Variants in ROBO4 observed in about 807,000 individuals in gnomAD.
ROBO4 encodes the protein roundabout guidance receptor 4.
ROBO4 carries 80 observed loss-of-function variants against 103.3 expected under a neutral mutation model. The ratio of observed to expected loss-of-function variants is 0.77; its 90% CI spans 0.65 to 0.93. ROBO4 has a LOEUF of 0.93. ROBO4 is among the 40% of genes least tolerant of loss of function. The pLI, the probability that ROBO4 is intolerant of heterozygous loss-of-function variation, is 0.00. For missense variants in ROBO4, 1,333 were observed against 1,305.3 expected (o/e 1.02, Z -0.33); for synonymous variants, 504 against 529.7 (o/e 0.95, Z 0.67).
chr11:124,889,541 C>G (rs1260800522), intron 12 of ROBO4, among the ~76,000 whole-genome samples: 3 of 152,112 alleles, frequency 2.0e-5, no homozygotes, highest in African/African-American at 7.2e-5. Flanking sequence ...ACTCATTGGT[C>G]AAATTGCAAT....
chr11:124,896,286 T>C lies in ROBO4; in HGVS notation c.591A>G (p.Ala197=), dbSNP rs1386811185. ...VSGGSLLMAR[A]EKSDEGTYMC... ...TGTAGGTCCCTTCGTCACTCTTCTC[T>C]GCTCTTGCCATCAGCAGGGACCCCC... Residue 197 remains alanine, a synonymous_variant, in exon 4 of 18, where the codon GCA becomes GCG. Transcript: ENST00000306534. The C allele has an allele frequency of 1.9e-6, 3 of 1,614,156 alleles. No individual in the cohort carries two copies. The highest frequency in any genetic ancestry group is 2.5e-6 in the Non-Finnish European group (3 of 1,180,020).
chr11:124,891,204 G>C, intron 12 of ROBO4, 95 bp downstream of exon 12: 1 of 1,384,974 alleles, frequency 7.2e-7, no homozygotes, highest in East Asian at 2.4e-5. Context: ...GAGGTTGCAC[G>C]CCCCTCCAGG....
intron 12 of ROBO4, among the ~76,000 whole-genome samples, chr11:124,890,860 C>T (rs149786775): frequency 6.6e-6 from 1 of 152,288 alleles, no homozygotes; most frequent in East Asian, 1.9e-4. Context: ...CTCGTGGGAG[C>T]CTGAGGCTTT....
rs868382396 is a variant in ROBO4, at chr11:124,894,378, C to G, written c.1150-9G>C. On this transcript the variant is annotated splice_polypyrimidine_tract_variant and intron_variant, in intron 7 of 17. Transcript: ENST00000306534. ...TTGCCCAGGCTCCAGACCTGAGGCA[C>G]AAGCAGAGGTGAACAGCTTCCCCAG... The G allele has an allele frequency of 1.2e-6, 2 of 1,607,778 alleles. No individual in the cohort carries two copies. The highest frequency in any genetic ancestry group is 1.7e-6 in the Non-Finnish European group (2 of 1,177,598).
chr11:124,886,803 G>C lies in ROBO4; in HGVS notation c.2455C>G (p.Pro819Ala). The change falls in exon 16 of 18, where the codon CCA becomes GCA. Residue 819 changes from proline (P) to alanine (A), a missense_variant. By Grantham distance (27) the Pro-to-Ala change is conservative. Transcript: ENST00000306534. ...ETPRNSVSPM[P>A]RAPSPPTTYG... is the part of the protein sequence containing the mutation. ...GTGGTGGGGGGTGAAGGAGCCCTTG[G>C]CATGGGAGAGACGCTGTTCCTAGGG... 6.5e-7 allele frequency: 1 copy of C among 1,536,988 alleles called. No homozygotes were observed.
rs1333857277 is a variant in ROBO4 at position 124,886,589 on chromosome 11, G to T, written c.2669C>A (p.Ala890Asp). 1.2e-6 allele frequency: 2 copies of T among 1,614,220 alleles called. No individual in the cohort carries two copies. The highest frequency in any genetic ancestry group is 1.1e-5 in the South Asian group (1 of 91,086). ...GCCATCGGAGGAGCTGACAAGGCTG[G>T]CTCTGGCGCTGGCGGCATTGTCCTC... Reference protein sequence around the residue: ...ASEDNAASARASLVSSSDGSF... With the variant: ...ASEDNAASARDSLVSSSDGSF... The change falls in exon 16 of 18, where the codon GCC becomes GAC. Residue 890 changes from alanine to aspartate, a missense_variant. Ala to Asp is a moderately radical substitution (Grantham distance 126). Coordinates refer to ENST00000306534, the MANE Select transcript of ROBO4 (RefSeq NM_019055.6).
intron 2 of ROBO4, 59 bp from the exon 3 acceptor site, chr11:124,896,729 T>TCA (rs1337287468): frequency 2.4e-5 from 38 of 1,572,768 alleles, no homozygotes; most frequent in Non-Finnish European, 3.3e-5. Flanking sequence ...CTCTCCCTTA[T>TCA]CACTCTTGCC....
chr11:124,888,390 T>G (rs1946749468), intron 12 of ROBO4, among the ~76,000 whole-genome samples: 1 of 152,222 alleles, frequency 6.6e-6, no homozygotes, highest in Admixed American at 6.5e-5. Flanking sequence ...GAAACTCGAC[T>G]GTCTCTCACT....
At chr11:124,894,125 G>A (rs1946842545) in intron 8 of ROBO4, 76 bp downstream of exon 8, 3 of 1,554,768 alleles carry the variant, frequency 1.9e-6, no homozygotes, top group South Asian at 1.2e-5. Flanking sequence ...AGCTGGAAGT[G>A]TGAGGCGGGA....
rs1419388702 is a variant in ROBO4, at chr11:124,887,102, G to A, written c.2310C>T (p.Pro770=). Residue 770 remains proline (P), a synonymous_variant, in exon 15 of 18, where the codon CCC becomes CCT. Coordinates refer to ENST00000306534, the MANE Select transcript of ROBO4 (RefSeq NM_019055.6). ...TGGACAGGCGACTGGAAGCTGGGCT[G>A]GGGCCAGAGAGGGAAGAGGCCTGGG... The part of the protein sequence containing the change: ...PSPQASSLSG[P]SPASSRLSSS... 6.2e-7 allele frequency: 1 copy of A among 1,613,706 alleles called. No homozygotes were observed. The highest frequency in any genetic ancestry group is 1.3e-5 in the African/African-American group (1 of 74,884).
rs370318926 is a variant in ROBO4 at position 124,890,013 on chromosome 11, C to A, written c.1948+1286G>T. 2.2e-4 allele frequency among the ~76,000 whole-genome samples: 34 copies of A among 152,310 alleles called. 1 individual carries two copies. The East Asian group carries it at 4.8e-3, about 22-fold the overall frequency. On this transcript the variant is annotated intron_variant, in intron 12 of 17. Transcript: ENST00000306534. ...AGGAAGCCTCATCTCAGAATTGGAA[C>A]CCTTCTTAAGAACTGGCTGTAGAAA...
At chr11:124,892,452 C>T (rs930773446) in intron 10 of ROBO4, 7 of 210,566 alleles carry the variant, frequency 3.3e-5, no homozygotes, top group African/African-American at 6.9e-5. Flanking sequence ...GCTTCCAGCT[C>T]CCTAACTATA....
chr11:124,892,217 C>T (rs1341217613), intron 10 of ROBO4: 2 of 371,464 alleles, frequency 5.4e-6, no homozygotes, highest in Non-Finnish European at 1.1e-5. Flanking sequence ...ATAGGGCCTT[C>T]CACACTCAAG....
intron 1 of ROBO4, 31 bp from the exon 2 acceptor site, chr11:124,897,292 G>T: frequency 7.2e-7 from 1 of 1,397,562 alleles, no homozygotes; most frequent in South Asian, 1.5e-5. Context: ...AGCCCAGTCT[G>T]ATCACCAGCA....
chr11:124,895,661 G>A lies in ROBO4; in HGVS notation c.832C>T (p.Gln278Ter), dbSNP rs753620103. The change falls in exon 6 of 18, where the codon CAA becomes TAA. Residue 278 changes from glutamine (Q) to a stop codon, truncating the protein, a stop_gained. Coordinates refer to ENST00000306534, the MANE Select transcript of ROBO4 (RefSeq NM_019055.6). LOFTEE classifies it high-confidence loss of function. ...GTCCTGAACAAGGCCGTGTAAGATT[G>A]GGCAGGCGCAGCAGGGCCACTGACC... Reference protein sequence around the residue: ...WKVSGPAAPAQSYTALFRTQT... With the variant: ...WKVSGPAAPA 9 of 1,613,066 alleles carry A rather than the reference G, an allele frequency of 5.6e-6. No individual in the cohort carries two copies. In the South Asian group the frequency reaches 8.8e-5, roughly 16 times the overall value.
Position 124,886,660 on chromosome 11 carries a change from G to T in ROBO4, c.2598C>A (p.Pro866=). The T allele has an allele frequency of 6.2e-7, 1 of 1,613,892 alleles. No homozygotes were observed. Residue 866 remains proline, a synonymous_variant, in exon 16 of 18, where the codon CCC becomes CCA. Coordinates refer to ENST00000306534, the MANE Select transcript of ROBO4 (RefSeq NM_019055.6). The part of the protein sequence containing the change: ...LLCPPRPCLT[P]TPSEGSLANG... ...TGGCTAAGGAGCCCTCGCTGGGGGT[G>T]GGGGTGAGGCAGGGCCGAGGTGGGC...
chr11:124,896,001 A>G, intron 4 of ROBO4, 89 bp from the exon 5 acceptor site: 2 of 1,575,598 alleles, frequency 1.3e-6, no homozygotes, highest in East Asian at 4.5e-5. Flanking sequence ...GAGGAACCCC[A>G]GGGAACCCAA....
intron 1 of ROBO4, 172 bp downstream of exon 1, chr11:124,897,554 G>T (rs1946918555): frequency 1.7e-6 from 1 of 601,072 alleles, no homozygotes; most frequent in South Asian, 2.3e-5. Flanking sequence ...TCTCTCTGGT[G>T]TGTGCGCACA....
intron 2 of ROBO4, 110 bp from the exon 3 acceptor site, chr11:124,896,780 C>T: frequency 6.6e-7 from 1 of 1,511,246 alleles, no homozygotes; most frequent in Non-Finnish European, 8.9e-7. Context: ...CCATTTAGGG[C>T]CAGCCCCGCC....
Sources: allele counts gnomAD v4.1 joint callset (sites outside exome capture counted in the v4.1 genomes callset), GRCh38; gene constraint gnomAD v4.1.1; transcripts MANE v1.5; gene names NCBI Gene and HGNC (gene_info 2026-07-23, HGNC 2026-07-21).